CTNNA3: variants seen among roughly 807,000 people sequenced by gnomAD.
CTNNA3 encodes catenin alpha-3.
CTNNA3 carries 76 observed loss-of-function variants against 95.7 expected under a neutral mutation model. That is an observed-to-expected ratio of 0.79 (90% CI 0.66 to 0.96). CTNNA3 has a LOEUF of 0.96. CTNNA3 is among the 40% of genes least tolerant of loss of function. The probability of loss-of-function intolerance (pLI) is 0.00; values close to 1 mark genes in which losing one functional copy is unlikely to be tolerated. For synonymous variants in CTNNA3, 431 were observed against 374.4 expected, an observed-to-expected ratio of 1.15 and a Z score of -1.74; for missense variants, 1,191 against 1,089.8, an observed-to-expected ratio of 1.09 and a Z score of -1.31.
rs555268988 is a variant in CTNNA3, at chr10:66,774,031, C to T, written c.1128+1413G>A. 1.9e-4 allele frequency among the ~76,000 whole-genome samples: 29 copies of T among 152,158 alleles called. No individual in the cohort carries two copies. The South Asian group carries it at 3.7e-3, about 20-fold the overall frequency. ...ACTGGGTGCCTTGTGCTTTTATTTG[C>T]TAAATCTGGTAATTCCACACACAAG... is the stretch of plus-strand genomic sequence containing the variant. On this transcript the variant is annotated intron_variant, in intron 8 of 17. Coordinates refer to ENST00000433211, the MANE Select transcript of CTNNA3 (RefSeq NM_013266.4).
At chr10:66,212,108 G>A (rs1429868695) in intron 13 of CTNNA3, among the ~76,000 whole-genome samples, 1 of 146,638 alleles carries the variant, frequency 6.8e-6, no homozygotes, top group Non-Finnish European at 1.5e-5. Flanking sequence ...TCCTGTCTCA[G>A]CCTCCTGAGT....
intron 1 of CTNNA3, among the ~76,000 whole-genome samples, chr10:67,754,286 A>T (rs551906333): frequency 6.6e-6 from 1 of 152,190 alleles, no homozygotes; most frequent in South Asian, 2.1e-4. Flanking sequence ...GAGGGAAACA[A>T]CACACACTAG....
chr10:66,429,268 T>A (rs539775636), intron 11 of CTNNA3, among the ~76,000 whole-genome samples: 13 of 152,056 alleles, frequency 8.5e-5, no homozygotes, highest in Non-Finnish European at 1.5e-4. Context: ...ATTAATAGCT[T>A]ACCAACAAAA....
intron 11 of CTNNA3, among the ~76,000 whole-genome samples, chr10:66,438,300 C>A (rs2093351904): frequency 6.6e-6 from 1 of 152,192 alleles, no homozygotes; most frequent in Admixed American, 6.5e-5. Flanking sequence ...GTGCTCACAG[C>A]TGCCCCTTCC....
At chr10:66,314,288 C>T (rs2092067864) in intron 12 of CTNNA3, among the ~76,000 whole-genome samples, 1 of 152,086 alleles carries the variant, frequency 6.6e-6, no homozygotes. Flanking sequence ...AGTGATGATG[C>T]CATGATGAAA....
At chr10:67,650,783 C>T (rs1219371993) in intron 1 of CTNNA3, among the ~76,000 whole-genome samples, 2 of 152,126 alleles carry the variant, frequency 1.3e-5, no homozygotes, top group South Asian at 2.1e-4. Context: ...GTGTTTTCAT[C>T]GTGCCCTGGC....
intron 7 of CTNNA3, among the ~76,000 whole-genome samples, chr10:66,878,775 T>C (rs1452226953): frequency 3.3e-5 from 5 of 152,114 alleles, no homozygotes; most frequent in Non-Finnish European, 7.4e-5. Flanking sequence ...ACCTGTACAG[T>C]GGCCCTAGCA....
At chr10:67,713,293 G>A (rs879101788) in intron 1 of CTNNA3, among the ~76,000 whole-genome samples, 1 of 152,212 alleles carries the variant, frequency 6.6e-6, no homozygotes, top group Non-Finnish European at 1.5e-5. Context: ...AACAGATGCT[G>A]GAGAGCATGT....
intron 7 of CTNNA3, among the ~76,000 whole-genome samples, chr10:67,038,936 TA>T (rs762120226): frequency 1.3e-5 from 2 of 152,186 alleles, no homozygotes; most frequent in African/African-American, 2.4e-5. Flanking sequence ...GTAGCATATG[TA>T]AAAAATAGTC....
intron 1 of CTNNA3, among the ~76,000 whole-genome samples, chr10:67,664,893 AT>A (rs1840292056): frequency 6.6e-6 from 1 of 152,222 alleles, no homozygotes; most frequent in Non-Finnish European, 1.5e-5. Flanking sequence ...CTGTTTAAAA[AT>A]ATTTAAGTCT....
intron 13 of CTNNA3, among the ~76,000 whole-genome samples, chr10:66,232,789 A>G (rs750443963): frequency 5.9e-5 from 9 of 152,278 alleles, no homozygotes; most frequent in Non-Finnish European, 2.9e-5. Context: ...TGATTTGATA[A>G]TTGTTACTAG....
At chr10:67,318,013 AT>A (rs11302311) in intron 5 of CTNNA3, among the ~76,000 whole-genome samples, 106,227 of 149,024 alleles carry the variant, frequency 0.71, 41,195 homozygotes, top group Non-Finnish European at 0.88. Context: ...AATGAAAACC[AT>A]TTTTTTTTTT....
At chr10:67,136,191 T>G (rs982393517) in intron 7 of CTNNA3, among the ~76,000 whole-genome samples, 1 of 152,090 alleles carries the variant, frequency 6.6e-6, no homozygotes. Flanking sequence ...TTACCAGTCA[T>G]TACATATTCC....
At chr10:67,714,677 T>C (rs565741514) in intron 1 of CTNNA3, among the ~76,000 whole-genome samples, 8 of 152,190 alleles carry the variant, frequency 5.3e-5, no homozygotes, top group Non-Finnish European at 1.0e-4. Context: ...TGTGAGGACA[T>C]GAGGTTTGAG....
intron 5 of CTNNA3, among the ~76,000 whole-genome samples, chr10:67,371,278 G>A (rs1843446319): frequency 6.6e-6 from 1 of 150,766 alleles, no homozygotes; most frequent in African/African-American, 2.4e-5. Context: ...TGTGCATAAT[G>A]TGCAGGTTTG....
intron 12 of CTNNA3, among the ~76,000 whole-genome samples, chr10:66,338,662 G>T (rs536322771): frequency 1.3e-5 from 2 of 151,980 alleles, no homozygotes; most frequent in African/African-American, 4.8e-5. Flanking sequence ...AAAGAGAAAA[G>T]AGCAAGGAAG....
intron 13 of CTNNA3, among the ~76,000 whole-genome samples, chr10:66,111,985 T>C (rs2082137800): frequency 6.6e-6 from 1 of 152,180 alleles, no homozygotes; most frequent in African/African-American, 2.4e-5. Context: ...TTTTTATGAA[T>C]TGATGCTTAA....
At chr10:67,245,759 G>A (rs1019984191) in intron 5 of CTNNA3, among the ~76,000 whole-genome samples, 2 of 151,268 alleles carry the variant, frequency 1.3e-5, no homozygotes, top group Non-Finnish European at 2.9e-5. Context: ...TCAAGAGGCT[G>A]AGGCAGAATT....
chr10:67,538,104 TCAA>T (rs574853218), intron 4 of CTNNA3, among the ~76,000 whole-genome samples: 154 of 139,514 alleles, frequency 1.1e-3, no homozygotes, highest in Non-Finnish European at 2.0e-3. Context: ...AATCTTCTAG[TCAA>T]CAGCTGTTGG....
Sources: gnomAD v4.1 joint callset for allele counts (sites outside exome capture counted in the v4.1 genomes callset) on GRCh38, gnomAD v4.1.1 for gene constraint, MANE v1.5 for transcripts, NCBI Gene and HGNC (gene_info 2026-07-23, HGNC 2026-07-21) for gene names.